RBFOX2: variants seen among roughly 807,000 people sequenced by gnomAD.
RBFOX2 encodes RNA binding protein fox-1 homolog 2.
RBFOX2 carries 10 observed loss-of-function variants against 49.1 expected under a neutral mutation model. The ratio of observed to expected loss-of-function variants is 0.20; its 90% confidence interval spans 0.13 to 0.35. The LOEUF (loss-of-function observed/expected upper bound fraction) is 0.35. Among genes scored for constraint, RBFOX2 ranks in the 10% least tolerant of loss-of-function variants. The probability of loss-of-function intolerance (pLI) is 1.00; values close to 1 mark genes in which losing one functional copy is unlikely to be tolerated. For synonymous variants in RBFOX2, 183 were observed against 187.4 expected (o/e 0.98, Z 0.19); for missense variants, 323 against 486.9 (o/e 0.66, Z 3.17).
intron 10 of RBFOX2, 46 bp downstream of exon 12, chr22:35,746,427 A>G: frequency 6.9e-7 from 1 of 1,443,168 alleles, no homozygotes; most frequent in Non-Finnish European, 9.5e-7. Flanking sequence ...TTTGGGATGG[A>G]ACAGCTCTCA....
chr22:35,875,968 C>T (rs2045027138), intron 1 of RBFOX2, among the ~76,000 whole-genome samples: 1 of 152,062 alleles, frequency 6.6e-6, no homozygotes, highest in Non-Finnish European at 1.5e-5. Context: ...ATTTAGTTTA[C>T]TTCTTAAGTC....
intron 1 of RBFOX2, among the ~76,000 whole-genome samples, chr22:35,871,823 T>C (rs2044387870): frequency 6.6e-6 from 1 of 151,930 alleles, no homozygotes; most frequent in Non-Finnish European, 1.5e-5. Context: ...TTAATAAGGG[T>C]AATGTTTAAC....
At chr22:36,024,223 G>A (rs1488132528) in intron 1 of RBFOX2, among the ~76,000 whole-genome samples, 1 of 152,158 alleles carries the variant, frequency 6.6e-6, no homozygotes, top group East Asian at 1.9e-4. Context: ...CACTTACCAA[G>A]TACCCAAAAC....
intron 4 of RBFOX2, among the ~76,000 whole-genome samples, chr22:35,771,923 T>C (rs560706141): frequency 1.6e-4 from 24 of 152,304 alleles, no homozygotes; most frequent in South Asian, 6.2e-4. Context: ...CTCTTAGAAA[T>C]TGAATTGACA....
intron 1 of RBFOX2, among the ~76,000 whole-genome samples, chr22:35,810,320 G>C (rs1001606315): frequency 6.6e-6 from 1 of 151,470 alleles, no homozygotes; most frequent in Non-Finnish European, 1.5e-5. Flanking sequence ...TAAATTAAAA[G>C]TAGGTGGAGA....
chr22:35,764,584 CA>C (rs1176043873), intron 6 of RBFOX2, among the ~76,000 whole-genome samples: 88 of 60,774 alleles, frequency 1.4e-3, no homozygotes, highest in South Asian at 2.2e-3. Flanking sequence ...GACTCCGTCT[CA>C]AAAAAAAAAA....
At chr22:35,772,348 G>A (rs958649583) in intron 4 of RBFOX2, among the ~76,000 whole-genome samples, 2 of 152,082 alleles carry the variant, frequency 1.3e-5, no homozygotes, top group African/African-American at 4.8e-5. Context: ...AGAAACAGGT[G>A]AGATTAATTT....
At chr22:35,877,172 T>G (rs557041904) in intron 1 of RBFOX2, among the ~76,000 whole-genome samples, 2 of 152,258 alleles carry the variant, frequency 1.3e-5, no homozygotes, top group East Asian at 3.9e-4. Flanking sequence ...ATTTTTTATT[T>G]GATAATGAAA....
Position 35,810,022 on chromosome 22 carries a change from A to T in RBFOX2, c.28-18T>A. On this transcript the variant is annotated intron_variant, in intron 1 of 11. Transcript: ENST00000405409. ...TGGTTACCCTAAAACAAACAACAAGAGAAAGAAAAAGTGACTTTGAATCCT... is the reference window on the plus strand; with the variant it reads ...TGGTTACCCTAAAACAAACAACAAGTGAAAGAAAAAGTGACTTTGAATCCT... The T allele has an allele frequency of 6.2e-7, 1 of 1,610,722 alleles. No homozygotes were observed. The highest frequency in any genetic ancestry group is 8.5e-7 in the Non-Finnish European group (1 of 1,177,464).
chr22:35,869,265 T>G (rs1402845392), intron 1 of RBFOX2, among the ~76,000 whole-genome samples: 2 of 151,980 alleles, frequency 1.3e-5, no homozygotes, highest in African/African-American at 4.8e-5. Flanking sequence ...TTCAAGCGAT[T>G]CTCTGCCTCA....
At position 35,913,597 on chromosome 22, in the gene RBFOX2, T is replaced by C. The variant is rs369599248; in HGVS notation, c.-34+25250A>G. On this transcript the variant is annotated intron_variant, in intron 1 of 13. Transcript: ENST00000359369. ...ATAGATGGATAGAGATATACCGATA[T>C]ATATATGGTTTACTCCTACCTGGAA... Among the ~76,000 whole-genome samples, 36 of 151,698 alleles carry C rather than the reference T, an allele frequency of 2.4e-4. No individual in the cohort carries two copies. In the South Asian group the frequency reaches 7.1e-3, roughly 30 times the overall value.
rs568607963 is a variant in RBFOX2 at position 35,753,111 on chromosome 22, T to C, written c.888-6550A>G. Among the ~76,000 whole-genome samples, 5 of 152,340 alleles carry C rather than the reference T, an allele frequency of 3.3e-5. No individual in the cohort carries two copies. The South Asian group carries it at 1.0e-3, about 32-fold the overall frequency. On this transcript the variant is annotated intron_variant, in intron 9 of 11. Coordinates refer to ENST00000405409, the Ensembl canonical transcript of RBFOX2. Reference sequence around the variant, plus strand: ...TAAGCATAACCAGCAATTTAAAATCTTTTCCCTTGTGTCTTCTCTTCAAGC... The same window carrying C: ...TAAGCATAACCAGCAATTTAAAATCCTTTCCCTTGTGTCTTCTCTTCAAGC...
chr22:35,747,599 G>A (rs1340594268), intron 9 of RBFOX2: 2 of 152,310 alleles, frequency 1.3e-5, no homozygotes, highest in East Asian at 1.9e-4. Context: ...CTTGCCACAT[G>A]AGACAGGATA....
At chr22:35,809,840 A>G in exon 2 of RBFOX2, 1 of 1,613,902 alleles carries the variant, frequency 6.2e-7, no homozygotes, top group Non-Finnish European at 8.5e-7. Context: ...GGGCTTGCGT[A>G]CTTCCGTAGA....
At chr22:35,813,571 T>C (rs1377375848) in intron 1 of RBFOX2, among the ~76,000 whole-genome samples, 2 of 152,210 alleles carry the variant, frequency 1.3e-5, no homozygotes, top group African/African-American at 2.4e-5. Context: ...CTTCCTTTCC[T>C]ATATTCTTAT....
chr22:35,869,368 A>G (rs907183578), intron 1 of RBFOX2, among the ~76,000 whole-genome samples: 22 of 149,330 alleles, frequency 1.5e-4, no homozygotes, highest in African/African-American at 4.9e-4. Flanking sequence ...TGTCCAGTCC[A>G]GGCTGGTCTG....
At chr22:36,027,669 T>C (rs1603469880) in intron 1 of RBFOX2, among the ~76,000 whole-genome samples, 1 of 152,260 alleles carries the variant, frequency 6.6e-6, no homozygotes, top group East Asian at 1.9e-4. Context: ...CACCACCGTG[T>C]CCCCATAACA....
upstream of RBFOX2, among the ~76,000 whole-genome samples, chr22:35,943,164 C>T (rs111990538): frequency 1.1e-3 from 169 of 152,254 alleles, 2 homozygotes; most frequent in Non-Finnish European, 2.0e-3. Flanking sequence ...TGGTAAAAAC[C>T]GCAACTATTT....
intron 4 of RBFOX2, among the ~76,000 whole-genome samples, chr22:35,777,068 G>A (rs1602560806): frequency 6.6e-6 from 1 of 151,122 alleles, no homozygotes; most frequent in African/African-American, 2.4e-5. Context: ...CTGGAGTGCA[G>A]TGGCGCAATC....
Sources: allele counts gnomAD v4.1 joint callset (sites outside exome capture counted in the v4.1 genomes callset), GRCh38; gene constraint gnomAD v4.1.1; transcripts MANE v1.5; gene names NCBI Gene and HGNC (gene_info 2026-07-23, HGNC 2026-07-21).